The following LRIG1 variants were observed in gnomAD, a reference collection of about 807,000 sequenced individuals.
LRIG1 encodes the protein leucine-rich repeats and immunoglobulin-like domains protein 1.
A neutral mutation model predicts 99.2 loss-of-function variants in LRIG1; 48 were observed. The ratio of observed to expected loss-of-function variants is 0.48; its 90% CI spans 0.38 to 0.62. LRIG1 has a LOEUF of 0.62. LRIG1 is among the 20% of genes least tolerant of loss of function. The pLI is 0.00. For missense variants in LRIG1, 1,646 were observed against 1,434.4 expected (o/e 1.15, Z -2.38); for synonymous variants, 772 against 596.1 (o/e 1.29, Z -4.30).
rs746620112 is a variant in LRIG1 at position 66,500,171 on chromosome 3, C to T, written c.218+19G>A. 3.3e-6 allele frequency: 5 copies of T among 1,507,782 alleles called. No individual in the cohort carries two copies. Among genetic ancestry groups the T allele is most frequent in the Middle Eastern group, 2.3e-4 (1 of 4,292 alleles). 93.4% of individuals were successfully genotyped at this position (1,507,782 alleles called of 1,614,324 possible). The stretch of plus-strand genomic sequence containing the variant: ...ACAGAGCCCCGGGGCGCAGAGAGGG[C>T]GGAAAGGGCGGCACTCACAGGCTCC... On this transcript the variant is annotated intron_variant, in intron 1 of 18. Transcript: ENST00000273261.
intron 1 of LRIG1, among the ~76,000 whole-genome samples, chr3:66,467,239 C>T (rs966474242): frequency 3.0e-4 from 45 of 152,168 alleles, no homozygotes; most frequent in Non-Finnish European, 8.8e-5. Flanking sequence ...CTGCAAAATC[C>T]CCACCACTAT....
chr3:66,497,035 G>C (rs1701242781), intron 1 of LRIG1, among the ~76,000 whole-genome samples: 1 of 152,208 alleles, frequency 6.6e-6, no homozygotes, highest in South Asian at 2.1e-4. Context: ...CAAACACATA[G>C]TACAAAGAGA....
At chr3:66,455,040 G>T (rs911608712) in intron 2 of LRIG1, among the ~76,000 whole-genome samples, 1 of 152,176 alleles carries the variant, frequency 6.6e-6, no homozygotes, top group African/African-American at 2.4e-5. Context: ...TGCCTCCTGG[G>T]TTCAAGCGAT....
In LRIG1 at chr3:66,416,272, G is replaced by A. The variant is rs76650722; in HGVS notation, c.503+857C>T. ...TTCCCAACTCTGGCGCCCTAATGCAGGCTAAGAAAGAAATCACTCTTCTTC... is the reference window on the plus strand; with the variant it reads ...TTCCCAACTCTGGCGCCCTAATGCAAGCTAAGAAAGAAATCACTCTTCTTC... On this transcript the variant is annotated intron_variant, in intron 4 of 18. Transcript: ENST00000273261. Among the ~76,000 whole-genome samples the A allele has an allele frequency of 7.5e-3, 1,140 of 152,250 alleles. 11 individuals carry two copies. The highest frequency in any genetic ancestry group is 0.026 in the African/African-American group (1,078 of 41,532).
intron 2 of LRIG1, among the ~76,000 whole-genome samples, chr3:66,456,701 C>T (rs2106822533): frequency 6.6e-6 from 1 of 152,262 alleles, no homozygotes; most frequent in Non-Finnish European, 1.5e-5. Context: ...CACACACACC[C>T]ACTGTGGGGA....
chr3:66,467,894 C>A (rs1478203792), intron 1 of LRIG1, among the ~76,000 whole-genome samples: 1 of 152,192 alleles, frequency 6.6e-6, no homozygotes, highest in Non-Finnish European at 1.5e-5. Context: ...CTGAGCTACC[C>A]AATAACTCGA....
intron 5 of LRIG1, among the ~76,000 whole-genome samples, chr3:66,413,358 G>A (rs911064107): frequency 1.3e-5 from 2 of 152,348 alleles, no homozygotes; most frequent in African/African-American, 2.4e-5. Flanking sequence ...CAGTGAGGAC[G>A]TGGGTATGAC....
chr3:66,482,889 CTGGAAATTTATA>C (rs1469707290), intron 1 of LRIG1, among the ~76,000 whole-genome samples: 1 of 152,154 alleles, frequency 6.6e-6, no homozygotes, highest in Non-Finnish European at 1.5e-5. Flanking sequence ...TCACACATTA[CTGGAAATTTATA>C]CACTATCCAG....
chr3:66,397,998 C>A, intron 11 of LRIG1, 114 bp downstream of exon 11: 3 of 848,800 alleles, frequency 3.5e-6, no homozygotes, highest in South Asian at 3.3e-5. Context: ...CCCACAAAAT[C>A]CAAAATATGT....
chr3:66,396,064 T>C (rs955023905), intron 11 of LRIG1, among the ~76,000 whole-genome samples: 2 of 152,246 alleles, frequency 1.3e-5, no homozygotes, highest in Non-Finnish European at 2.9e-5. Context: ...TAGAAAGGGC[T>C]AAGCCTCATC....
At chr3:66,455,958 T>C (rs11127994) in intron 2 of LRIG1, among the ~76,000 whole-genome samples, 88,050 of 152,076 alleles carry the variant, frequency 0.58, 26,405 homozygotes, top group Middle Eastern at 0.65. Flanking sequence ...AATATCTCAG[T>C]GAATGACATG....
chr3:66,400,063 C>G (rs1169432373), intron 9 of LRIG1, among the ~76,000 whole-genome samples: 2 of 152,238 alleles, frequency 1.3e-5, no homozygotes, highest in Non-Finnish European at 2.9e-5. Flanking sequence ...AACGTTATCG[C>G]TAGTGCCTGT....
chr3:66,497,674 A>G (rs187843502), intron 1 of LRIG1, among the ~76,000 whole-genome samples: 100 of 146,882 alleles, frequency 6.8e-4, no homozygotes, highest in Non-Finnish European at 1.1e-3. Flanking sequence ...TCAGGCCTAG[A>G]AGCAACTTCC....
At chr3:66,453,480 G>A (rs1180475530) in intron 2 of LRIG1, among the ~76,000 whole-genome samples, 1 of 152,140 alleles carries the variant, frequency 6.6e-6, no homozygotes, top group African/African-American at 2.4e-5. Flanking sequence ...GTGGCCCAGG[G>A]TGCCTAGCCC....
chr3:66,485,717 G>T (rs1700956687), intron 1 of LRIG1, among the ~76,000 whole-genome samples: 1 of 152,096 alleles, frequency 6.6e-6, no homozygotes, highest in Non-Finnish European at 1.5e-5. Context: ...CAACCTAACA[G>T]AAACAATAAA....
chr3:66,380,366 C>T lies in LRIG1; in HGVS notation c.3179G>A (p.Gly1060Asp). The part of the protein sequence containing the change: ...AEAQYLLVSN[G>D]HLPKACDASP... ...GGCGTCACATGCTTTGGGGAGGTGG[C>T]CATTGGAAACAAGCAAGTACTGGGC... The change falls in exon 19 of 19, where the codon GGC becomes GAC. Residue 1060 changes from glycine (G) to aspartate (D), a missense_variant. By Grantham distance (94) the Gly-to-Asp change is moderately conservative (BLOSUM62 -1). Coordinates refer to ENST00000273261, the MANE Select transcript of LRIG1 (RefSeq NM_015541.3). 1 of 1,614,072 alleles carries T rather than the reference C, an allele frequency of 6.2e-7. No individual in the cohort carries two copies. The highest frequency in any genetic ancestry group is 1.1e-5 in the South Asian group (1 of 91,074).
chr3:66,409,461 T>G (rs1702395119), intron 7 of LRIG1, among the ~76,000 whole-genome samples: 1 of 152,166 alleles, frequency 6.6e-6, no homozygotes, highest in Non-Finnish European at 1.5e-5. Flanking sequence ...CAAGCTCAGT[T>G]CTCAGTCTCA....
At chr3:66,382,234 T>C (rs1029140386) in intron 16 of LRIG1, 39 bp downstream of exon 16, 1 of 1,610,734 alleles carries the variant, frequency 6.2e-7, no homozygotes, top group African/African-American at 1.3e-5. Context: ...AGAGACACAG[T>C]CACAGCAGAG....
chr3:66,459,517 C>T (rs1411960566), intron 2 of LRIG1, among the ~76,000 whole-genome samples: 2 of 152,236 alleles, frequency 1.3e-5, no homozygotes, highest in Non-Finnish European at 2.9e-5. Context: ...TCATTCACAC[C>T]TGCTCACTCA....
Sources: allele counts gnomAD v4.1 joint callset (sites outside exome capture counted in the v4.1 genomes callset), GRCh38; gene constraint gnomAD v4.1.1; transcripts MANE v1.5; gene names NCBI Gene and HGNC (gene_info 2026-07-23, HGNC 2026-07-21).